Variants in ELOVL6 observed in about 807,000 individuals in gnomAD.
ELOVL6 encodes the protein very long chain fatty acid elongase 6.
A neutral mutation model predicts 31.7 loss-of-function variants in ELOVL6; 8 were observed. The ratio of observed to expected loss-of-function variants is 0.25; its 90% confidence interval spans 0.15 to 0.45. The LOEUF (loss-of-function observed/expected upper bound fraction) is 0.45, where lower values mean the gene tolerates loss of function less well. Ranked by LOEUF, ELOVL6 falls within the 20% of genes least tolerant of loss-of-function variation. ELOVL6 has a pLI of 1.00. For synonymous variants in ELOVL6, 101 were observed against 117.7 expected (o/e 0.86, Z 0.92); for missense variants, 126 against 326.4 (o/e 0.39, Z 4.73).
At chr4:110,180,789 G>A (rs937388784) in intron 1 of ELOVL6, among the ~76,000 whole-genome samples, 1 of 152,132 alleles carries the variant, frequency 6.6e-6, no homozygotes, top group African/African-American at 2.4e-5. Flanking sequence ...TCTAAATTTA[G>A]ATAAAGGATA....
intron 1 of ELOVL6, among the ~76,000 whole-genome samples, chr4:110,179,838 C>T (rs973293178): frequency 6.6e-6 from 1 of 152,168 alleles, no homozygotes; most frequent in African/African-American, 2.4e-5. Context: ...ATTCTTTCCA[C>T]TGAGTAAAAT....
chr4:110,170,844 C>T (rs1332250834), intron 1 of ELOVL6, among the ~76,000 whole-genome samples: 3 of 152,204 alleles, frequency 2.0e-5, no homozygotes, highest in Non-Finnish European at 2.9e-5. Context: ...GCAACTCCCA[C>T]AGCCCTGTTA....
At chr4:110,085,037 A>C (rs1756210018) in intron 2 of ELOVL6, among the ~76,000 whole-genome samples, 1 of 152,174 alleles carries the variant, frequency 6.6e-6, no homozygotes, top group South Asian at 2.1e-4. Context: ...AAGTTGTGGT[A>C]GAGTGTTGGC....
intron 1 of ELOVL6, among the ~76,000 whole-genome samples, chr4:110,168,239 G>A (rs891637639): frequency 6.6e-6 from 1 of 152,178 alleles, no homozygotes; most frequent in Non-Finnish European, 1.5e-5. Context: ...ATTCAGGCCA[G>A]TGTGATGGCT....
intron 2 of ELOVL6, among the ~76,000 whole-genome samples, chr4:110,077,965 G>C (rs1012166835): frequency 1.3e-5 from 2 of 152,178 alleles, no homozygotes; most frequent in Non-Finnish European, 2.9e-5. Context: ...TAGCCAATTT[G>C]ATCAACTGGA....
chr4:110,164,982 G>A (rs10008890), intron 1 of ELOVL6, among the ~76,000 whole-genome samples: 1,723 of 151,918 alleles, frequency 0.011, 40 homozygotes, highest in African/African-American at 0.039. Context: ...GGGACTACAC[G>A]TGCACCCCAC....
intron 2 of ELOVL6, among the ~76,000 whole-genome samples, chr4:110,078,686 G>A (rs1446743386): frequency 6.6e-6 from 1 of 152,154 alleles, no homozygotes; most frequent in East Asian, 1.9e-4. Context: ...ATCAACTAAT[G>A]AGCAAAATAA....
intron 1 of ELOVL6, among the ~76,000 whole-genome samples, chr4:110,111,358 CT>C (rs3033269): frequency 1.6e-4 from 23 of 144,934 alleles, no homozygotes; most frequent in African/African-American, 3.8e-4. Context: ...CTTAGAATTC[CT>C]TTTTTTTTTT....
At chr4:110,074,232 T>G (rs1755568559) in intron 2 of ELOVL6, among the ~76,000 whole-genome samples, 1 of 152,232 alleles carries the variant, frequency 6.6e-6, no homozygotes, top group Admixed American at 6.5e-5. Flanking sequence ...TCCCATATAC[T>G]TTAAAACATC....
chr4:110,054,529 C>T (rs7684686), intron 3 of ELOVL6, among the ~76,000 whole-genome samples: 19,139 of 152,236 alleles, frequency 0.13, 1,470 homozygotes, highest in East Asian at 0.23. Flanking sequence ...TAGATGCTTT[C>T]ATGAGTCTCT....
chr4:110,100,131 T>C (rs1756700586), intron 2 of ELOVL6, among the ~76,000 whole-genome samples: 2 of 145,176 alleles, frequency 1.4e-5, no homozygotes, highest in South Asian at 4.4e-4. Flanking sequence ...CACTATGCCA[T>C]CATACTGGCC....
chr4:110,152,230 C>T (rs1758297784), intron 1 of ELOVL6, among the ~76,000 whole-genome samples: 1 of 152,154 alleles, frequency 6.6e-6, no homozygotes, highest in Admixed American at 6.5e-5. Flanking sequence ...TACCTTATGT[C>T]ATATCAAGTC....
intron 1 of ELOVL6, among the ~76,000 whole-genome samples, chr4:110,193,106 T>C (rs774023499): frequency 6.6e-6 from 1 of 152,214 alleles, no homozygotes; most frequent in Non-Finnish European, 1.5e-5. Flanking sequence ...CAATCCTCAC[T>C]AAATGAAAAA....
chr4:110,136,835 G>A (rs1047672531), intron 1 of ELOVL6, among the ~76,000 whole-genome samples: 3 of 152,158 alleles, frequency 2.0e-5, no homozygotes, highest in Non-Finnish European at 4.4e-5. Flanking sequence ...CACAGAAGTA[G>A]GGGAAGAGTG....
At chr4:110,081,159 C>G (rs1414124207) in intron 2 of ELOVL6, among the ~76,000 whole-genome samples, 4 of 152,044 alleles carry the variant, frequency 2.6e-5, no homozygotes, top group African/African-American at 9.7e-5. Flanking sequence ...TGAAAATGGC[C>G]ATACTGCCCA....
chr4:110,113,163 G>C (rs1757083116), intron 1 of ELOVL6, among the ~76,000 whole-genome samples: 2 of 151,470 alleles, frequency 1.3e-5, no homozygotes, highest in African/African-American at 4.9e-5. Flanking sequence ...GGGAGGCATA[G>C]GCTGCAGCGA....
intron 1 of ELOVL6, among the ~76,000 whole-genome samples, chr4:110,189,056 T>C (rs1003708299): frequency 4.6e-5 from 7 of 151,946 alleles, no homozygotes; most frequent in African/African-American, 1.7e-4. Context: ...GATGGGAGGA[T>C]CACTTGAGGC....
chr4:110,084,225 GAT>G (rs563203365), intron 2 of ELOVL6, among the ~76,000 whole-genome samples: 2,471 of 68,484 alleles, frequency 0.036, 331 homozygotes, highest in East Asian at 0.13. Flanking sequence ...TAACTTATAT[GAT>G]ATATATAACA....
At chr4:110,071,169 C>T (rs543891779) in intron 2 of ELOVL6, among the ~76,000 whole-genome samples, 7 of 152,272 alleles carry the variant, frequency 4.6e-5, no homozygotes, top group Middle Eastern at 6.8e-3. Flanking sequence ...TCATAAGCTC[C>T]GGCTCTTCCA....
Sources: gnomAD v4.1 joint callset for allele counts (sites outside exome capture counted in the v4.1 genomes callset) on GRCh38, gnomAD v4.1.1 for gene constraint, MANE v1.5 for transcripts, NCBI Gene and HGNC (gene_info 2026-07-23, HGNC 2026-07-21) for gene names.